Variants in DCLK2 observed in about 807,000 individuals in gnomAD.
DCLK2 encodes serine/threonine-protein kinase DCLK2.
A neutral mutation model predicts 78.4 loss-of-function variants in DCLK2; 31 were observed. The observed-to-expected ratio is 0.40, with a 90% confidence interval of 0.30 to 0.53. The LOEUF is 0.53. DCLK2 is among the 20% of genes least tolerant of loss of function. The pLI is 0.61. For missense variants in DCLK2, 872 were observed against 973.7 expected (o/e 0.90, Z 1.39); for synonymous variants, 407 against 374.9 (o/e 1.09, Z -0.99).
intron 2 of DCLK2, among the ~76,000 whole-genome samples, chr4:150,153,431 G>A (rs995330336): frequency 6.6e-6 from 1 of 151,816 alleles, no homozygotes; most frequent in Non-Finnish European, 1.5e-5. Flanking sequence ...TTGGAGGTAG[G>A]GGACAGGGTC....
At chr4:150,090,209 C>T (rs1490745174) in intron 1 of DCLK2, among the ~76,000 whole-genome samples, 1 of 152,162 alleles carries the variant, frequency 6.6e-6, no homozygotes, top group Admixed American at 6.5e-5. Flanking sequence ...AGTTTGAGAC[C>T]AGCCTGACCA....
Position 150,248,359 on chromosome 4 carries a change from C to G in DCLK2, c.1930C>G (p.Gln644Glu), listed in dbSNP as rs1743489120. ...TGTTGAAGCTCGGTGTACCGCGGGACAAATCCTGAGTCACCCCTGGGTGTC... is the reference window on the plus strand; with the variant it reads ...TGTTGAAGCTCGGTGTACCGCGGGAGAAATCCTGAGTCACCCCTGGGTGTC... Reference protein sequence around the residue: ...VNVEARCTAGQILSHPWVSDD... With the variant: ...VNVEARCTAGEILSHPWVSDD... Residue 644 changes from glutamine to glutamate, a missense_variant, in exon 14 of 16, where the codon CAA (glutamine) becomes GAA (glutamate). By Grantham distance (29) the Gln-to-Glu change is conservative. Around this residue, in one of 3 missense-constraint regions of DCLK2, gnomAD observed 219 missense variants for 230.1 expected, o/e 0.95. Transcript: ENST00000296550. The G allele has an allele frequency of 6.8e-6, 11 of 1,613,800 alleles. No individual in the cohort carries two copies. The highest frequency in any genetic ancestry group is 2.2e-5 in the East Asian group (1 of 44,900).
intron 2 of DCLK2, among the ~76,000 whole-genome samples, chr4:150,185,856 A>C (rs956428540): frequency 2.0e-5 from 3 of 152,206 alleles, no homozygotes; most frequent in Non-Finnish European, 4.4e-5. Flanking sequence ...TATGGCTGGC[A>C]CCTATTCACC....
chr4:150,253,579 C>A, intron 15 of DCLK2: 1 of 1,289,372 alleles, frequency 7.8e-7, no homozygotes, highest in Non-Finnish European at 1.0e-6. Context: ...CTGCGTCCGA[C>A]CAGCGCGCCC....
chr4:150,225,247 A>G (rs78658787), intron 8 of DCLK2, among the ~76,000 whole-genome samples: 2,894 of 152,336 alleles, frequency 0.019, 96 homozygotes, highest in African/African-American at 0.066. Context: ...TTCCTGGACA[A>G]ACATCCTTGG....
At chr4:150,189,479 T>C (rs1738229808) in intron 2 of DCLK2, among the ~76,000 whole-genome samples, 3 of 152,192 alleles carry the variant, frequency 2.0e-5, no homozygotes, top group Admixed American at 2.0e-4. Flanking sequence ...GTAGAGGACT[T>C]GCACCTAAAT....
chr4:150,203,784 C>T lies in DCLK2; in HGVS notation c.962-11C>T. 1.9e-6 allele frequency: 3 copies of T among 1,609,084 alleles called. No individual in the cohort carries two copies. Among genetic ancestry groups the T allele is most frequent in the Non-Finnish European group, 2.6e-6 (3 of 1,175,604 alleles). On this transcript the variant is annotated splice_polypyrimidine_tract_variant and intron_variant, in intron 4 of 15. Transcript: ENST00000296550. The stretch of plus-strand genomic sequence containing the variant: ...ATGGGACTTCTGTCTTCTTTGTTGT[C>T]TCATGGGCAGTTAATGGAACTCCCA...
intron 1 of DCLK2, among the ~76,000 whole-genome samples, chr4:150,093,756 A>C (rs369611547): frequency 6.6e-6 from 1 of 152,230 alleles, no homozygotes; most frequent in African/African-American, 2.4e-5. Context: ...TAGCCAAATC[A>C]ATCTTGAGAA....
chr4:150,186,900 G>GTGTA (rs1175538719), intron 2 of DCLK2, among the ~76,000 whole-genome samples: 1 of 136,976 alleles, frequency 7.3e-6, no homozygotes, highest in Admixed American at 7.0e-5. Flanking sequence ...CAAAATGTGT[G>GTGTA]TGTGTGTGTG....
intron 2 of DCLK2, among the ~76,000 whole-genome samples, chr4:150,111,410 T>C (rs1731684544): frequency 6.6e-6 from 1 of 152,188 alleles, no homozygotes; most frequent in Non-Finnish European, 1.5e-5. Flanking sequence ...TTTGCAAATA[T>C]TTTCTCCTGT....
In DCLK2 at chr4:150,079,016, G is replaced by C. The variant is rs1402455441; in HGVS notation, c.-12G>C. 7.9e-6 allele frequency: 12 copies of C among 1,518,030 alleles called. No homozygotes were observed. Among genetic ancestry groups the C allele is most frequent in the Non-Finnish European group, 1.1e-5 (12 of 1,137,250 alleles). The allele number at this position is 1,518,030 out of a possible 1,614,324, so 94.0% of individuals were successfully genotyped here. On this transcript the variant is annotated 5_prime_UTR_variant, in exon 1 of 16. Coordinates refer to ENST00000296550, the MANE Select transcript of DCLK2 (RefSeq NM_001040260.4). ...GGAACGTCTTTTTGCGGACGCCCTC[G>C]GAGCAGCCGCGATGGCCAGCACCAG...
intron 5 of DCLK2, among the ~76,000 whole-genome samples, chr4:150,220,095 G>A (rs1037514053): frequency 1.3e-5 from 2 of 152,136 alleles, no homozygotes; most frequent in Non-Finnish European, 2.9e-5. Flanking sequence ...GGTGGGGAAT[G>A]GAATAGAGAA....
At chr4:150,217,681 G>A (rs1043015117) in intron 5 of DCLK2, among the ~76,000 whole-genome samples, 27 of 152,204 alleles carry the variant, frequency 1.8e-4, no homozygotes, top group African/African-American at 4.6e-4. Context: ...ACTGAGGAGT[G>A]AAGAGGGAGA....
At chr4:150,153,214 G>C (rs1208022112) in intron 2 of DCLK2, among the ~76,000 whole-genome samples, 1 of 152,170 alleles carries the variant, frequency 6.6e-6, no homozygotes, top group Admixed American at 6.5e-5. Context: ...TATGGGGGTG[G>C]GGATGGAATT....
intron 5 of DCLK2, among the ~76,000 whole-genome samples, chr4:150,213,618 T>A (rs994996854): frequency 1.3e-5 from 2 of 152,120 alleles, no homozygotes; most frequent in African/African-American, 2.4e-5. Context: ...TAAAAAAAAA[T>A]TCAGTAAACT....
At chr4:150,128,306 A>G (rs1733059207) in intron 2 of DCLK2, among the ~76,000 whole-genome samples, 1 of 152,150 alleles carries the variant, frequency 6.6e-6, no homozygotes, top group Non-Finnish European at 1.5e-5. Context: ...ATATGGGAGT[A>G]TTAAGGGAAA....
At chr4:150,175,340 C>G (rs9884660) in intron 2 of DCLK2, 1 of 149,694 alleles carries the variant, frequency 6.7e-6, no homozygotes, top group African/African-American at 2.5e-5. Flanking sequence ...TGACTTTCCA[C>G]AAACCATTTA....
Position 150,234,384 on chromosome 4 carries a change from A to G in DCLK2, c.1566+1556A>G, listed in dbSNP as rs189173929. Among the ~76,000 whole-genome samples, 67 of 152,260 alleles carry G rather than the reference A, an allele frequency of 4.4e-4. No homozygotes were observed. In the Middle Eastern group the frequency reaches 0.01, roughly 23 times the overall value. The stretch of plus-strand genomic sequence containing the variant: ...GTGTCTAATTATCTTTATATCTCCA[A>G]TGGTTTGGATGGTGACACGTAAACA... On this transcript the variant is annotated intron_variant, in intron 10 of 15. Transcript: ENST00000296550.
intron 1 of DCLK2, among the ~76,000 whole-genome samples, chr4:150,088,456 T>C (rs906467939): frequency 6.6e-6 from 1 of 152,054 alleles, no homozygotes; most frequent in African/African-American, 2.4e-5. Context: ...CTTCAGATTT[T>C]TTTCTTTTTT....
Sources: allele counts gnomAD v4.1 joint callset (sites outside exome capture counted in the v4.1 genomes callset), GRCh38; gene constraint gnomAD v4.1.1; regional missense constraint gnomAD v4.1.1; transcripts MANE v1.5; gene names NCBI Gene and HGNC (gene_info 2026-07-23, HGNC 2026-07-21).